The following MKLN1 variants were observed in gnomAD, a reference collection of about 807,000 sequenced individuals.
MKLN1 encodes muskelin.
MKLN1 carries 18 observed loss-of-function variants against 99.0 expected under a neutral mutation model. The observed-to-expected ratio is 0.18, with a 90% CI of 0.13 to 0.27. MKLN1 has a LOEUF of 0.27. Ranked by LOEUF, MKLN1 falls within the 10% of genes least tolerant of loss-of-function variation. MKLN1 has a pLI of 1.00. For synonymous variants in MKLN1, 288 were observed against 293.2 expected (o/e 0.98, Z 0.18); for missense variants, 621 against 875.9 (o/e 0.71, Z 3.67).
intron 3 of MKLN1, among the ~76,000 whole-genome samples, chr7:131,295,198 A>C (rs1038286724): frequency 7.2e-5 from 11 of 152,048 alleles, no homozygotes; most frequent in Non-Finnish European, 1.5e-5. Context: ...GTAAAGACAG[A>C]GTGTCACTAT....
intron 3 of MKLN1, among the ~76,000 whole-genome samples, chr7:131,304,404 T>G (rs1293597568): frequency 6.6e-6 from 1 of 152,142 alleles, no homozygotes; most frequent in Non-Finnish European, 1.5e-5. Context: ...AAATTACATT[T>G]GGAAAGTGGT....
At position 131,495,123 on chromosome 7, in the gene MKLN1, T is replaced by G. The variant is rs1365267883; in HGVS notation, c.*7395T>G. 2 of 152,286 alleles carry G rather than the reference T, an allele frequency of 1.3e-5. No individual in the cohort carries two copies. The highest frequency in any genetic ancestry group is 3.9e-4 in the East Asian group (2 of 5,188). 9.4% of individuals were successfully genotyped at this position (152,286 alleles called of 1,614,324 possible). On this transcript the variant is annotated 3_prime_UTR_variant, in exon 18 of 18. Coordinates refer to ENST00000352689, the MANE Select transcript of MKLN1 (RefSeq NM_013255.5). ...AAATATGGCATATTTCTAAACAGTT[T>G]GGGAAAGATGTTAGAATTTTTTAAA... is the stretch of plus-strand genomic sequence containing the variant.
Position 131,291,767 on chromosome 7 carries a change from T to TAA in MKLN1, c.-178-83646_-178-83645dup, listed in dbSNP as rs36040156. Among the ~76,000 whole-genome samples, 63 of 130,838 alleles carry TAA rather than the reference T, an allele frequency of 4.8e-4. 1 individual carries two copies. The highest frequency in any genetic ancestry group is 3.8e-3 in the Middle Eastern group (1 of 260). The allele number at this position is 130,838 out of a possible 152,430, so 85.8% of individuals were successfully genotyped here. On this transcript the variant is annotated intron_variant, in intron 3 of 7. Coordinates refer to the MKLN1 transcript ENST00000416992. ...GGTGAGTTAGTTGGAGTAGTCACAT[T>TAA]AAAAAAAAAAAAGAAAAAAAAGACA... is the stretch of plus-strand genomic sequence containing the variant.
At chr7:131,331,227 T>TC (rs1799064652) in intron 1 of MKLN1, among the ~76,000 whole-genome samples, 1 of 152,156 alleles carries the variant, frequency 6.6e-6, no homozygotes, top group African/African-American at 2.4e-5. Flanking sequence ...CCATACAGGG[T>TC]AAGTAGCTTG....
At chr7:131,311,518 A>G (rs1480661961) in intron 3 of MKLN1, among the ~76,000 whole-genome samples, 3 of 152,230 alleles carry the variant, frequency 2.0e-5, no homozygotes, top group Non-Finnish European at 4.4e-5. Flanking sequence ...AATGCTTTCC[A>G]TATGATTTTA....
chr7:131,265,631 G>A (rs1797796792), intron 3 of MKLN1, among the ~76,000 whole-genome samples: 1 of 152,112 alleles, frequency 6.6e-6, no homozygotes, highest in African/African-American at 2.4e-5. Flanking sequence ...CTGTGGCTGG[G>A]TCTATGTGAA....
chr7:131,246,943 G>A (rs1410268108), intron 3 of MKLN1, among the ~76,000 whole-genome samples: 1 of 152,174 alleles, frequency 6.6e-6, no homozygotes, highest in Non-Finnish European at 1.5e-5. Flanking sequence ...GGGCACTGTT[G>A]AGAGTGGAAT....
intron 2 of MKLN1, among the ~76,000 whole-genome samples, chr7:131,192,130 TAAAA>T (rs1200054583): frequency 1.2e-5 from 1 of 84,098 alleles, no homozygotes; most frequent in Non-Finnish European, 2.1e-5. Context: ...CGTATATATA[TAAAA>T]ATATATATAC....
rs1794871809 is a variant in MKLN1 at position 131,411,450 on chromosome 7, A to G, written c.781+67A>G. 7 of 1,075,504 alleles carry G rather than the reference A, an allele frequency of 6.5e-6. No homozygotes were observed. In the South Asian group the frequency reaches 8.8e-5, roughly 14 times the overall value. 66.6% of individuals were successfully genotyped at this position (1,075,504 alleles called of 1,614,324 possible). On this transcript the variant is annotated intron_variant, in intron 7 of 17. Coordinates refer to ENST00000352689, the MANE Select transcript of MKLN1 (RefSeq NM_013255.5). ...TCTCAGTCTTCAGTTTTCCCAAGGTAGTTCAAGTATCATAGTACTAAGTTA... is the reference window on the plus strand; with the variant it reads ...TCTCAGTCTTCAGTTTTCCCAAGGTGGTTCAAGTATCATAGTACTAAGTTA...
At chr7:131,250,638 A>G (rs1329807123) in intron 3 of MKLN1, among the ~76,000 whole-genome samples, 1 of 152,184 alleles carries the variant, frequency 6.6e-6, no homozygotes, top group Non-Finnish European at 1.5e-5. Flanking sequence ...AGACATAGTC[A>G]ATCAGAAAAG....
At chr7:131,244,574 A>G (rs1797456169) in intron 3 of MKLN1, among the ~76,000 whole-genome samples, 1 of 152,146 alleles carries the variant, frequency 6.6e-6, no homozygotes, top group South Asian at 2.1e-4. Context: ...CCTAAGGTCT[A>G]TGGACAGCCT....
At chr7:131,236,869 C>T (rs1439946960) in intron 3 of MKLN1, among the ~76,000 whole-genome samples, 1 of 152,008 alleles carries the variant, frequency 6.6e-6, no homozygotes, top group African/African-American at 2.4e-5. Context: ...CTCCTGTAGT[C>T]CCAGCTACTC....
At chr7:131,283,650 G>A (rs1215392086) in intron 3 of MKLN1, among the ~76,000 whole-genome samples, 7 of 151,854 alleles carry the variant, frequency 4.6e-5, no homozygotes, top group Admixed American at 4.6e-4. Flanking sequence ...GCTCAGGCTG[G>A]TCTAGAACTC....
intron 1 of MKLN1, among the ~76,000 whole-genome samples, chr7:131,132,726 G>A (rs180903238): frequency 3.3e-5 from 5 of 151,918 alleles, no homozygotes; most frequent in East Asian, 1.9e-4. Flanking sequence ...GATCAAGACC[G>A]GCCTGGCCTG....
At chr7:131,297,135 G>GAGGAGATTGAGAAC (rs1378132136) in intron 3 of MKLN1, among the ~76,000 whole-genome samples, 1 of 152,216 alleles carries the variant, frequency 6.6e-6, no homozygotes, top group Middle Eastern at 3.4e-3. Flanking sequence ...GGCAGATCAC[G>GAGGAGATTGAGAAC]AGGAGATTGA....
chr7:131,421,714 G>T (rs961681682), intron 8 of MKLN1, among the ~76,000 whole-genome samples: 1 of 151,978 alleles, frequency 6.6e-6, no homozygotes, highest in Non-Finnish European at 1.5e-5. Flanking sequence ...ATTTTCTTTT[G>T]TGTGTTTTTT....
chr7:131,355,405 ACAT>A (rs1799842872), intron 1 of MKLN1, among the ~76,000 whole-genome samples: 1 of 151,880 alleles, frequency 6.6e-6, no homozygotes, highest in South Asian at 2.1e-4. Context: ...TTATGCAGGA[ACAT>A]GGCATGTCTT....
chr7:131,398,498 A>G (rs1794426844), intron 5 of MKLN1, among the ~76,000 whole-genome samples: 2 of 152,162 alleles, frequency 1.3e-5, no homozygotes, highest in Admixed American at 1.3e-4. Context: ...GTTCAAGACC[A>G]TCCTGACCAA....
At chr7:131,317,681 C>G (rs1798695193) in intron 3 of MKLN1, among the ~76,000 whole-genome samples, 1 of 150,702 alleles carries the variant, frequency 6.6e-6, no homozygotes, top group South Asian at 2.1e-4. Flanking sequence ...GAGTCAAGAC[C>G]CATCAGTGTG....
Sources: gnomAD v4.1 joint callset for allele counts (sites outside exome capture counted in the v4.1 genomes callset) on GRCh38, gnomAD v4.1.1 for gene constraint, MANE v1.5 for transcripts, NCBI Gene and HGNC (gene_info 2026-07-23, HGNC 2026-07-21) for gene names.